The following GRID2 variants were observed in gnomAD, a reference collection of about 807,000 sequenced individuals.
GRID2 encodes glutamate ionotropic receptor delta type subunit 2.
GRID2 carries 33 observed loss-of-function variants against 114.8 expected under a neutral mutation model. The observed-to-expected ratio is 0.29, with a 90% CI of 0.22 to 0.38. GRID2 has a LOEUF of 0.38. Among genes scored for constraint, GRID2 ranks in the 10% least tolerant of loss-of-function variants. The probability of loss-of-function intolerance (pLI) is 1.00; values close to 1 mark genes in which losing one functional copy is unlikely to be tolerated. For synonymous variants in GRID2, 505 were observed against 449.9 expected (o/e 1.12, Z -1.55); for missense variants, 1,184 against 1,257.7 (o/e 0.94, Z 0.89).
intron 13 of GRID2, among the ~76,000 whole-genome samples, chr4:93,622,097 G>T (rs1009254292): frequency 5.9e-5 from 9 of 152,092 alleles, no homozygotes; most frequent in African/African-American, 2.2e-4. Flanking sequence ...ATCAAAGTAG[G>T]TTGTTAGAGG....
intron 14 of GRID2, among the ~76,000 whole-genome samples, chr4:93,671,457 CCA>C: frequency 6.6e-6 from 1 of 152,168 alleles, no homozygotes; most frequent in South Asian, 2.1e-4. Context: ...GGAAGGGATC[CCA>C]CACTGGGAGT....
At chr4:93,203,761 G>A (rs1244879205) in intron 4 of GRID2, among the ~76,000 whole-genome samples, 1 of 152,156 alleles carries the variant, frequency 6.6e-6, no homozygotes, top group African/African-American at 2.4e-5. Flanking sequence ...ACAGCATAGA[G>A]TAGGAAAGGG....
At chr4:93,539,801 T>A (rs894774430) in intron 13 of GRID2, among the ~76,000 whole-genome samples, 2 of 151,532 alleles carry the variant, frequency 1.3e-5, no homozygotes, top group African/African-American at 2.4e-5. Context: ...GTCTGATGGG[T>A]TTTTTTTGTT....
chr4:92,992,855 C>T (rs1163537939), intron 2 of GRID2, among the ~76,000 whole-genome samples: 1 of 152,060 alleles, frequency 6.6e-6, no homozygotes, highest in Non-Finnish European at 1.5e-5. Context: ...TGCCTTTTCT[C>T]CTCTTTGTTG....
At chr4:92,728,076 A>G (rs1736148263) in intron 2 of GRID2, among the ~76,000 whole-genome samples, 1 of 152,094 alleles carries the variant, frequency 6.6e-6, no homozygotes, top group Non-Finnish European at 1.5e-5. Context: ...GACCAGGAAG[A>G]CAAGTTGGAA....
At chr4:93,159,735 G>T (rs1331541914) in intron 4 of GRID2, among the ~76,000 whole-genome samples, 1 of 136,548 alleles carries the variant, frequency 7.3e-6, no homozygotes, top group African/African-American at 2.7e-5. Flanking sequence ...TGTACTTCTA[G>T]AGATTAAGTT....
At chr4:93,570,748 TACAA>T (rs1487600145) in intron 13 of GRID2, among the ~76,000 whole-genome samples, 2 of 152,122 alleles carry the variant, frequency 1.3e-5, no homozygotes, top group Non-Finnish European at 2.9e-5. Flanking sequence ...TTAATTATAA[TACAA>T]AGAAAATTAC....
At chr4:92,547,938 TGG>T (rs1329575255) in intron 1 of GRID2, among the ~76,000 whole-genome samples, 1 of 152,022 alleles carries the variant, frequency 6.6e-6, no homozygotes, top group African/African-American at 2.4e-5. Flanking sequence ...TACTGTGAAA[TGG>T]AAGAAGTAAA....
chr4:92,393,664 C>A (rs1308003859), intron 1 of GRID2, among the ~76,000 whole-genome samples: 1 of 152,018 alleles, frequency 6.6e-6, no homozygotes, highest in Non-Finnish European at 1.5e-5. Context: ...TTGACTAATT[C>A]CTGGCTACAA....
intron 13 of GRID2, among the ~76,000 whole-genome samples, chr4:93,516,062 T>C (rs1176350660): frequency 6.6e-6 from 1 of 152,176 alleles, no homozygotes; most frequent in Non-Finnish European, 1.5e-5. Flanking sequence ...TCAACCTCTA[T>C]GAGAGATCTG....
chr4:93,217,223 T>C, intron 6 of GRID2: 1 of 178,132 alleles, frequency 5.6e-6, no homozygotes, highest in Non-Finnish European at 1.2e-5. Flanking sequence ...TTCCAAACTC[T>C]AAATTATTAA....
intron 1 of GRID2, among the ~76,000 whole-genome samples, chr4:92,582,751 T>C (rs62310102): frequency 0.38 from 56,995 of 151,492 alleles, 10,738 homozygotes; most frequent in Middle Eastern, 0.46. Context: ...TAGTATAGTT[T>C]CTCAAGTGAG....
chr4:92,992,775 A>C (rs1754983052), intron 2 of GRID2, among the ~76,000 whole-genome samples: 1 of 152,114 alleles, frequency 6.6e-6, no homozygotes, highest in Non-Finnish European at 1.5e-5. Flanking sequence ...ATGAAATGTC[A>C]CAGACTTGAA....
chr4:92,314,091 G>GT lies in GRID2; in HGVS notation c.88+9356dup, dbSNP rs958406433. On this transcript the variant is annotated intron_variant, in intron 1 of 15. Transcript: ENST00000282020. ...AAACGTTCAAATAGAAAGGAAATCTGTTTTTTTTTCTTTTTCTTTTTCTTT... is the reference window on the plus strand; with the variant it reads ...AAACGTTCAAATAGAAAGGAAATCTGTTTTTTTTTTCTTTTTCTTTTTCTTT... Among the ~76,000 whole-genome samples, 101 of 150,352 alleles carry GT rather than the reference G, an allele frequency of 6.7e-4. 1 individual carries two copies. The highest frequency in any genetic ancestry group is 1.5e-3 in the Admixed American group (22 of 15,024).
chr4:93,467,230 A>G (rs929369654), intron 11 of GRID2, among the ~76,000 whole-genome samples: 1 of 151,702 alleles, frequency 6.6e-6, no homozygotes, highest in African/African-American at 2.4e-5. Context: ...CATCTTTGAC[A>G]TTATTTAATA....
intron 14 of GRID2, among the ~76,000 whole-genome samples, chr4:93,759,648 C>T (rs1733041837): frequency 6.6e-6 from 1 of 152,178 alleles, no homozygotes. Flanking sequence ...ATTTTGAACA[C>T]ACTTCCTTGT....
intron 13 of GRID2, among the ~76,000 whole-genome samples, chr4:93,564,590 C>T (rs1359897949): frequency 6.6e-6 from 1 of 151,966 alleles, no homozygotes; most frequent in Non-Finnish European, 1.5e-5. Flanking sequence ...GGATGGTACC[C>T]CTAGGCTAAA....
intron 2 of GRID2, among the ~76,000 whole-genome samples, chr4:93,056,297 G>A (rs1727236519): frequency 6.6e-6 from 1 of 151,894 alleles, no homozygotes; most frequent in Non-Finnish European, 1.5e-5. Context: ...TGACCATGGG[G>A]ATTTATTTAT....
intron 8 of GRID2, among the ~76,000 whole-genome samples, chr4:93,349,346 G>A (rs1169681257): frequency 1.3e-5 from 2 of 151,966 alleles, no homozygotes; most frequent in Admixed American, 6.6e-5. Flanking sequence ...ATCTCAAGAG[G>A]TAACACAACT....
Sources: allele counts gnomAD v4.1 joint callset (sites outside exome capture counted in the v4.1 genomes callset), GRCh38; gene constraint gnomAD v4.1.1; transcripts MANE v1.5; gene names NCBI Gene and HGNC (gene_info 2026-07-23, HGNC 2026-07-21).